Variants in ANO1 observed in about 807,000 individuals in gnomAD.
The protein encoded by ANO1 is anoctamin-1.
ANO1 carries 59 observed loss-of-function variants against 124.0 expected under a neutral mutation model. The observed-to-expected ratio is 0.48, with a 90% CI of 0.39 to 0.59. The LOEUF (loss-of-function observed/expected upper bound fraction) is 0.59, where lower values mean the gene tolerates loss of function less well. Among genes scored for constraint, ANO1 ranks in the 20% least tolerant of loss-of-function variants. The pLI is 0.00. For synonymous variants in ANO1, 529 were observed against 532.0 expected (o/e 0.99, Z 0.08); for missense variants, 1,059 against 1,328.0 (o/e 0.80, Z 3.15).
chr11:70,051,810 T>C (rs1049954166), intron 1 of ANO1, among the ~76,000 whole-genome samples: 6 of 152,264 alleles, frequency 3.9e-5, no homozygotes, highest in Admixed American at 3.3e-4. Context: ...GAGATTTATA[T>C]GTATTTCAAA....
chr11:70,147,751 A>G (rs1322868041), intron 11 of ANO1, among the ~76,000 whole-genome samples: 1 of 152,052 alleles, frequency 6.6e-6, no homozygotes, highest in African/African-American at 2.4e-5. Flanking sequence ...TTCCTCCGTG[A>G]TCCCAGCTTC....
chr11:70,123,212 CATG>C (rs2135476455), intron 8 of ANO1, among the ~76,000 whole-genome samples: 1 of 152,334 alleles, frequency 6.6e-6, no homozygotes, highest in Non-Finnish European at 1.5e-5. Context: ...CAACCATGGC[CATG>C]CTTAGCTGCA....
intron 1 of ANO1, among the ~76,000 whole-genome samples, chr11:70,008,645 C>CTTTT (rs3078418): frequency 2.0e-5 from 3 of 148,124 alleles, no homozygotes; most frequent in African/African-American, 2.5e-5. Context: ...TCCTTTAGCT[C>CTTTT]TTTTTTTTTT....
intron 1 of ANO1, among the ~76,000 whole-genome samples, chr11:70,084,624 C>T (rs888774840): frequency 2.0e-5 from 3 of 152,194 alleles, no homozygotes; most frequent in South Asian, 2.1e-4. Context: ...TGGCTGACTA[C>T]ACGGCCTGCC....
chr11:70,121,310 G>A (rs569619624), intron 8 of ANO1, among the ~76,000 whole-genome samples: 3 of 135,254 alleles, frequency 2.2e-5, no homozygotes, highest in Non-Finnish European at 4.7e-5. Context: ...CTCTCCATCT[G>A]CCTCTGTCTC....
At chr11:70,117,096 CTTTCTTTTTTTTTTT>C (rs2046007122) in intron 8 of ANO1, among the ~76,000 whole-genome samples, 2 of 75,950 alleles carry the variant, frequency 2.6e-5, no homozygotes, top group East Asian at 3.8e-4. Flanking sequence ...TTCTTTGTTT[CTTTCTTTTTTTTTTT>C]TTTTTTTTTT....
chr11:70,158,902 G>A lies in ANO1; in HGVS notation c.1578+1881G>A, dbSNP rs532294748. 9.2e-5 allele frequency among the ~76,000 whole-genome samples: 14 copies of A among 152,214 alleles called. No homozygotes were observed. In the South Asian group the frequency reaches 1.2e-3, roughly 14 times the overall value. On this transcript the variant is annotated intron_variant, in intron 16 of 25. Transcript: ENST00000355303. The stretch of plus-strand genomic sequence containing the variant: ...TCGGTGACTTGGTGGGAGGGCACCC[G>A]GCCTCGTGCTGAGGGGATGTGTCCC...
In ANO1 at chr11:70,078,732, C is replaced by T. The variant is rs1238929885; in HGVS notation, c.108+18C>T. ...AGGGCACGGTGAGTGCGGGCGGCCG[C>T]GACCCGGGCGGGAGGGCCGCGCACC... On this transcript the variant is annotated intron_variant, in intron 1 of 25. Coordinates refer to ENST00000355303, the MANE Select transcript of ANO1 (RefSeq NM_018043.7). The T allele has an allele frequency of 4.9e-6, 7 of 1,436,650 alleles. No homozygotes were observed. The highest frequency in any genetic ancestry group is 2.5e-5 in the South Asian group (2 of 78,496). The allele number at this position is 1,436,650 out of a possible 1,614,324, so 89.0% of individuals were successfully genotyped here. A position where few individuals can be genotyped will look rare whatever the true frequency, so the allele number is the denominator to read the frequency against.
chr11:70,095,387 AAAG>A lies in ANO1; in HGVS notation c.441+7306_441+7308del, dbSNP rs2044876421. Among the ~76,000 whole-genome samples the A allele has an allele frequency of 3.0e-4, 11 of 36,642 alleles. 2 individuals are homozygous for A. Among genetic ancestry groups the A allele is most frequent in the Non-Finnish European group, 4.1e-4 (6 of 14,808 alleles). 24.0% of individuals were successfully genotyped at this position (36,642 alleles called of 152,430 possible). On this transcript the variant is annotated intron_variant, in intron 2 of 25. Transcript: ENST00000355303. The stretch of plus-strand genomic sequence containing the variant: ...GAAAGAAAGAAAGAAAGAAAGAAAG[AAAG>A]AAAGAAAGAAAGAAAGAAAGAAAGA...
chr11:70,090,319 A>AT (rs1397782911), intron 2 of ANO1, among the ~76,000 whole-genome samples: 1 of 152,006 alleles, frequency 6.6e-6, no homozygotes, highest in Non-Finnish European at 1.5e-5. Flanking sequence ...TCCCCAGGGG[A>AT]TTTTACACTC....
intron 5 of ANO1, 27 bp downstream of exon 5, chr11:70,105,815 G>T: frequency 6.2e-7 from 1 of 1,609,916 alleles, no homozygotes. Flanking sequence ...CCTGGAAACG[G>T]CTCACTGGCA....
intron 16 of ANO1, among the ~76,000 whole-genome samples, chr11:70,159,478 AC>A (rs1168442551): frequency 6.6e-6 from 1 of 152,094 alleles, no homozygotes; most frequent in Non-Finnish European, 1.5e-5. Flanking sequence ...GTACTGGTAA[AC>A]CCCTGTCACA....
chr11:70,104,320 AC>A (rs370744655), intron 4 of ANO1, among the ~76,000 whole-genome samples, 170 bp downstream of exon 4: 213 of 152,330 alleles, frequency 1.4e-3, no homozygotes, highest in African/African-American at 4.9e-3. Flanking sequence ...TTCTAAGATC[AC>A]CGTTAACTGA....
intron 1 of ANO1, chr11:70,014,870 T>G (rs1278336684): frequency 6.8e-6 from 1 of 147,542 alleles, no homozygotes. Flanking sequence ...GGCTGGGTCT[T>G]GCTGTCGCTC....
intron 1 of ANO1, among the ~76,000 whole-genome samples, chr11:70,019,226 G>T (rs1388625807): frequency 3.5e-5 from 5 of 142,178 alleles, no homozygotes; most frequent in African/African-American, 1.3e-4. Context: ...ATGCAGGGGA[G>T]GGAAAGAAGA....
chr11:70,061,953 T>C (rs1463048697), intron 1 of ANO1, among the ~76,000 whole-genome samples: 3 of 151,860 alleles, frequency 2.0e-5, no homozygotes, highest in African/African-American at 7.3e-5. Flanking sequence ...GCAAAATGGG[T>C]CTAATAATAC....
intron 1 of ANO1, among the ~76,000 whole-genome samples, chr11:70,050,524 T>G (rs1857336562): frequency 6.6e-6 from 1 of 152,112 alleles, no homozygotes; most frequent in African/African-American, 2.4e-5. Context: ...TGCTTTTCCT[T>G]TCCTTGTTGA....
At chr11:70,113,228 C>T (rs2045858763) in intron 7 of ANO1, among the ~76,000 whole-genome samples, 1 of 151,572 alleles carries the variant, frequency 6.6e-6, no homozygotes, top group Admixed American at 6.6e-5. Flanking sequence ...CTCAGATGGT[C>T]CCTGTCCTGC....
chr11:70,053,264 T>G (rs1219296466), intron 1 of ANO1, among the ~76,000 whole-genome samples: 1 of 152,202 alleles, frequency 6.6e-6, no homozygotes, highest in Non-Finnish European at 1.5e-5. Context: ...TCCATAACTT[T>G]TTATTTCTTT....
Sources: allele counts gnomAD v4.1 joint callset (sites outside exome capture counted in the v4.1 genomes callset), GRCh38; gene constraint gnomAD v4.1.1; transcripts MANE v1.5; gene names NCBI Gene and HGNC (gene_info 2026-07-23, HGNC 2026-07-21).